AFG2A: variants seen among roughly 807,000 people sequenced by gnomAD.
The protein encoded by AFG2A is AAA ATPase AFG2A.
At chr4:123,160,644 G>C in the AFG2A span, among the ~76,000 whole-genome samples, 1 of 143,610 alleles carries the variant, frequency 7.0e-6, no homozygotes, top group African/African-American at 2.6e-5. Flanking sequence ...TTAAGAATCA[G>C]ACCTTCCGAC....
At chr4:123,283,765 C>T in the AFG2A span, among the ~76,000 whole-genome samples, 1 of 152,166 alleles carries the variant, frequency 6.6e-6, no homozygotes. Context: ...CACAGCCACA[C>T]TCATTCATTT....
At chr4:123,023,074 T>C in the AFG2A span, among the ~76,000 whole-genome samples, 8 of 150,780 alleles carry the variant, frequency 5.3e-5, no homozygotes, top group African/African-American at 1.5e-4. Flanking sequence ...TTAGGAGATA[T>C]ACCTAATGCT....
At chr4:123,160,596 C>A in the AFG2A span, among the ~76,000 whole-genome samples, 1 of 152,144 alleles carries the variant, frequency 6.6e-6, no homozygotes, top group Non-Finnish European at 1.5e-5. Context: ...CAAGAAAATG[C>A]CTTCCTATTT....
chr4:122,928,409 C>T, the AFG2A span, among the ~76,000 whole-genome samples: 3 of 152,144 alleles, frequency 2.0e-5, no homozygotes. Flanking sequence ...TGATGCTTCT[C>T]TGATTTGCTG....
the AFG2A span, among the ~76,000 whole-genome samples, chr4:123,125,501 G>A: frequency 6.6e-6 from 1 of 151,982 alleles, no homozygotes; most frequent in Non-Finnish European, 1.5e-5. Context: ...AAAAATTTTA[G>A]CTCCCTAGTT....
the AFG2A span, among the ~76,000 whole-genome samples, chr4:123,091,644 T>G: frequency 2.6e-5 from 4 of 152,214 alleles, no homozygotes; most frequent in Non-Finnish European, 5.9e-5. Context: ...TTCTTCTATT[T>G]TTTTAAGAAG....
the AFG2A span, among the ~76,000 whole-genome samples, chr4:122,981,961 T>G: frequency 2.0e-5 from 3 of 152,062 alleles, no homozygotes; most frequent in Admixed American, 6.5e-5. Context: ...CAGACAATTT[T>G]TTTCTTCTTT....
the AFG2A span, among the ~76,000 whole-genome samples, chr4:123,260,615 T>C: frequency 6.6e-6 from 1 of 152,248 alleles, no homozygotes; most frequent in African/African-American, 2.4e-5. Context: ...ACTCTTCTTA[T>C]GTGAAATCTC....
chr4:122,945,773 G>A, the AFG2A span, among the ~76,000 whole-genome samples: 1 of 152,202 alleles, frequency 6.6e-6, no homozygotes, highest in Non-Finnish European at 1.5e-5. Flanking sequence ...AGCTGTTCCT[G>A]TTCGGCCATC....
At chr4:123,142,508 G>A in the AFG2A span, among the ~76,000 whole-genome samples, 251 of 152,266 alleles carry the variant, frequency 1.6e-3, 1 homozygote, top group Middle Eastern at 0.014. Context: ...ATATATGTGA[G>A]TAATTTTCTT....
At chr4:123,131,504 C>T in the AFG2A span, among the ~76,000 whole-genome samples, 1 of 152,084 alleles carries the variant, frequency 6.6e-6, no homozygotes, top group Non-Finnish European at 1.5e-5. Flanking sequence ...TCTGCATTAC[C>T]TCCTCCCCCC....
the AFG2A span, among the ~76,000 whole-genome samples, chr4:123,283,900 C>G: frequency 6.6e-6 from 1 of 152,112 alleles, no homozygotes; most frequent in Non-Finnish European, 1.5e-5. Flanking sequence ...TTGCGCACCC[C>G]TGATGTAAAT....
At chr4:122,943,986 A>G in the AFG2A span, among the ~76,000 whole-genome samples, 3 of 152,026 alleles carry the variant, frequency 2.0e-5, no homozygotes, top group African/African-American at 7.2e-5. Flanking sequence ...TGGCTTGTAG[A>G]GTTTCTGCCG....
the AFG2A span, among the ~76,000 whole-genome samples, chr4:123,073,162 ATTCCTATTCTT>A: frequency 1.3e-5 from 2 of 151,078 alleles, no homozygotes; most frequent in Non-Finnish European, 3.0e-5. Context: ...TAAAACATGA[ATTCCTATTCTT>A]TTTTTTTTAA....
the AFG2A span, among the ~76,000 whole-genome samples, chr4:122,993,161 C>CTT: frequency 8.3e-5 from 12 of 143,986 alleles, no homozygotes; most frequent in African/African-American, 3.0e-4. Context: ...GATTTTTGTG[C>CTT]TTTTTTTTTT....
the AFG2A span, among the ~76,000 whole-genome samples, chr4:122,973,212 C>T: frequency 6.6e-6 from 1 of 152,130 alleles, no homozygotes; most frequent in Non-Finnish European, 1.5e-5. Context: ...CACTGTTATC[C>T]TTCCATGTAT....
the AFG2A span, among the ~76,000 whole-genome samples, chr4:123,157,855 T>C: frequency 4.6e-5 from 7 of 152,324 alleles, no homozygotes; most frequent in East Asian, 3.9e-4. Flanking sequence ...AAATATGTTA[T>C]TGTTAAAAGA....
the AFG2A span, among the ~76,000 whole-genome samples, chr4:123,277,896 TG>T: frequency 6.6e-6 from 1 of 152,236 alleles, no homozygotes; most frequent in East Asian, 1.9e-4. Context: ...TGAGGATTTT[TG>T]TATCGATGTC....
At chr4:123,080,944 C>CT in the AFG2A span, among the ~76,000 whole-genome samples, 81 of 145,730 alleles carry the variant, frequency 5.6e-4, no homozygotes, top group East Asian at 2.8e-3. Flanking sequence ...TCTAAATAGA[C>CT]TTTTTTTTTT....
Sources: gnomAD v4.1 joint callset for allele counts (sites outside exome capture counted in the v4.1 genomes callset) on GRCh38, gnomAD v4.1.1 for gene constraint, MANE v1.5 for transcripts, NCBI Gene and HGNC (gene_info 2026-07-23, HGNC 2026-07-21) for gene names.